Variants in SUGCT observed in about 807,000 individuals in gnomAD.
SUGCT encodes succinyl-CoA:glutarate-CoA transferase, also known as succinyl-CoA:glutarate CoA-transferase.
SUGCT carries 41 observed loss-of-function variants against 55.0 expected under a neutral mutation model. The ratio of observed to expected loss-of-function variants is 0.74; its 90% CI spans 0.58 to 0.97. The LOEUF is 0.97. SUGCT is among the 50% of genes least tolerant of loss of function. The probability of loss-of-function intolerance (pLI) is 0.00; values close to 1 mark genes in which losing one functional copy is unlikely to be tolerated. For missense variants in SUGCT, 568 were observed against 547.8 expected, an observed-to-expected ratio of 1.04 and a Z score of -0.37; for synonymous variants, 187 against 200.4, an observed-to-expected ratio of 0.93 and a Z score of 0.56.
At chr7:40,533,300 T>G (rs955655215) in intron 12 of SUGCT, among the ~76,000 whole-genome samples, 1 of 152,132 alleles carries the variant, frequency 6.6e-6, no homozygotes, top group Non-Finnish European at 1.5e-5. Flanking sequence ...AGTTCTAAAC[T>G]TTCTTTTACT....
chr7:40,682,083 A>C (rs1417208503), intron 12 of SUGCT, among the ~76,000 whole-genome samples: 21 of 152,238 alleles, frequency 1.4e-4, no homozygotes, highest in Admixed American at 5.2e-4. Context: ...TAAGTTGCTC[A>C]TTTACTTCTC....
chr7:40,622,715 G>A (rs1799333142), intron 12 of SUGCT, among the ~76,000 whole-genome samples: 1 of 151,922 alleles, frequency 6.6e-6, no homozygotes, highest in Non-Finnish European at 1.5e-5. Context: ...GTGTTTGTGT[G>A]TGTGTGTCTG....
At chr7:40,148,490 C>T (rs1562795986) in intron 1 of SUGCT, among the ~76,000 whole-genome samples, 1 of 152,138 alleles carries the variant, frequency 6.6e-6, no homozygotes, top group East Asian at 1.9e-4. Context: ...ACTAAAAATA[C>T]AAAAATAGCC....
In SUGCT at chr7:40,194,928, C is replaced by T. The variant is rs1016159622; in HGVS notation, c.364-12C>T. 3 of 1,610,490 alleles carry T rather than the reference C, an allele frequency of 1.9e-6. No homozygotes were observed. The highest frequency in any genetic ancestry group is 1.7e-6 in the Non-Finnish European group (2 of 1,178,592). On this transcript the variant is annotated splice_polypyrimidine_tract_variant and intron_variant, in intron 5 of 13. Transcript: ENST00000335693. ...GAGTGGAAGTCTGACTCATGTTCAC[C>T]TCTTCCATCAGCTTGCAGCTGTTTG...
the SUGCT span, among the ~76,000 whole-genome samples, chr7:40,977,395 C>CT: frequency 6.6e-6 from 1 of 152,228 alleles, no homozygotes; most frequent in Non-Finnish European, 1.5e-5. Context: ...TCTTCATTCT[C>CT]TTAGTTTTCC....
At chr7:40,530,600 T>A (rs908025412) in intron 12 of SUGCT, among the ~76,000 whole-genome samples, 6 of 152,222 alleles carry the variant, frequency 3.9e-5, no homozygotes, top group Admixed American at 3.9e-4. Context: ...TAGCAGAGTG[T>A]GCTGACCATA....
chr7:40,436,552 T>C (rs1788187918), intron 9 of SUGCT, among the ~76,000 whole-genome samples: 1 of 152,186 alleles, frequency 6.6e-6, no homozygotes, highest in Admixed American at 6.5e-5. Flanking sequence ...GGTAGTGAAA[T>C]GTGGTGACAG....
intron 12 of SUGCT, among the ~76,000 whole-genome samples, chr7:40,565,995 A>ACATG (rs1554369016): frequency 3.1e-4 from 14 of 45,572 alleles, no homozygotes; most frequent in African/African-American, 5.2e-4. Flanking sequence ...ACACACACGC[A>ACATG]CACACACACA....
chr7:40,990,154 G>A, the SUGCT span, among the ~76,000 whole-genome samples: 3 of 152,156 alleles, frequency 2.0e-5, no homozygotes, highest in Non-Finnish European at 2.9e-5. Context: ...ACAAGACTTG[G>A]AAGTTGAAAT....
chr7:41,032,441 C>T, the SUGCT span, among the ~76,000 whole-genome samples: 3 of 151,738 alleles, frequency 2.0e-5, no homozygotes, highest in Admixed American at 1.3e-4. Flanking sequence ...TTTCCTGATA[C>T]GAAGGTATCC....
chr7:40,213,228 C>T (rs1787445376), intron 6 of SUGCT, among the ~76,000 whole-genome samples: 1 of 152,176 alleles, frequency 6.6e-6, no homozygotes, highest in South Asian at 2.1e-4. Context: ...GGATCCAATC[C>T]AGCATGTGGT....
At chr7:41,010,493 T>C in the SUGCT span, among the ~76,000 whole-genome samples, 1 of 152,230 alleles carries the variant, frequency 6.6e-6, no homozygotes, top group Non-Finnish European at 1.5e-5. Flanking sequence ...TGTAGACCAG[T>C]TCAGGCAGAG....
intron 12 of SUGCT, among the ~76,000 whole-genome samples, chr7:40,499,774 T>C (rs1473434703): frequency 6.6e-6 from 1 of 152,214 alleles, no homozygotes; most frequent in Non-Finnish European, 1.5e-5. Context: ...CCAGTCATTT[T>C]TCCAAGTGCT....
chr7:40,563,663 G>A (rs759923896), intron 12 of SUGCT, among the ~76,000 whole-genome samples: 1 of 151,838 alleles, frequency 6.6e-6, no homozygotes, highest in Non-Finnish European at 1.5e-5. Flanking sequence ...GCAATGAGCC[G>A]TGATTGCACC....
intron 12 of SUGCT, among the ~76,000 whole-genome samples, chr7:40,725,576 CTT>C (rs538978750): frequency 7.0e-6 from 1 of 142,938 alleles, no homozygotes. Flanking sequence ...CCTCTATTTT[CTT>C]TTTTTTTTTT....
the SUGCT span, among the ~76,000 whole-genome samples, chr7:40,933,580 T>C: frequency 3.9e-5 from 6 of 152,342 alleles, no homozygotes; most frequent in East Asian, 1.2e-3. Flanking sequence ...CAATTAAATG[T>C]AGATTTGGTC....
rs550129428 is a variant in SUGCT, at chr7:40,394,171, G to A, written c.817-55116G>A. 1.3e-3 allele frequency among the ~76,000 whole-genome samples: 193 copies of A among 151,214 alleles called. 1 individual carries two copies. The highest frequency in any genetic ancestry group is 4.3e-3 in the African/African-American group (179 of 41,378). On this transcript the variant is annotated intron_variant, in intron 9 of 13. Transcript: ENST00000335693. ...TGACTGCTCACAGGTGTTACTTGTCGAACTTAAAAAAAAATAATGATGCCG... is the reference window on the plus strand; with the variant it reads ...TGACTGCTCACAGGTGTTACTTGTCAAACTTAAAAAAAAATAATGATGCCG...
At chr7:40,349,017 T>C (rs1253840827) in intron 9 of SUGCT, among the ~76,000 whole-genome samples, 1 of 152,230 alleles carries the variant, frequency 6.6e-6, no homozygotes, top group African/African-American at 2.4e-5. Flanking sequence ...GACTCTGTTC[T>C]CTTTCTTTTA....
At chr7:40,419,072 T>C (rs891198954) in intron 9 of SUGCT, among the ~76,000 whole-genome samples, 8 of 152,212 alleles carry the variant, frequency 5.3e-5, no homozygotes, top group African/African-American at 1.9e-4. Context: ...GTATGTTAAA[T>C]GAGTTTTTTG....
Sources: gnomAD v4.1 joint callset for allele counts (sites outside exome capture counted in the v4.1 genomes callset) on GRCh38, gnomAD v4.1.1 for gene constraint, MANE v1.5 for transcripts, NCBI Gene and HGNC (gene_info 2026-07-23, HGNC 2026-07-21) for gene names.